LRRC37A2: variants seen among roughly 807,000 people sequenced by gnomAD.
The protein encoded by LRRC37A2 is leucine-rich repeat-containing protein 37A2.
A neutral mutation model predicts 68.8 loss-of-function variants in LRRC37A2; 9 were observed. The observed-to-expected ratio is 0.13, with a 90% CI of 0.08 to 0.23. LRRC37A2 has a LOEUF of 0.23. Among genes scored for constraint, LRRC37A2 ranks in the 10% least tolerant of loss-of-function variants. The pLI is 1.00. For synonymous variants in LRRC37A2, 63 were observed against 367.6 expected (o/e 0.17, Z 9.48); for missense variants, 168 against 950.4 (o/e 0.18, Z 10.82).
chr17:46,833,416 C>T, the LRRC37A2 span: 1 of 517,586 alleles, frequency 1.9e-6, no homozygotes, highest in South Asian at 1.4e-5. Flanking sequence ...GGGAGCCTTA[C>T]CAGCCCTCTA....
the LRRC37A2 span, among the ~76,000 whole-genome samples, chr17:46,722,407 C>T: frequency 6.6e-6 from 1 of 152,178 alleles, no homozygotes; most frequent in African/African-American, 2.4e-5. Context: ...TTTGGCACTT[C>T]AGTTGTACTA....
At chr17:47,001,430 T>C in the LRRC37A2 span, among the ~76,000 whole-genome samples, 1 of 152,172 alleles carries the variant, frequency 6.6e-6, no homozygotes, top group Non-Finnish European at 1.5e-5. Flanking sequence ...GCTCCACTCA[T>C]GACTTCCTTT....
At chr17:46,976,323 A>G in the LRRC37A2 span, among the ~76,000 whole-genome samples, 10 of 151,384 alleles carry the variant, frequency 6.6e-5, no homozygotes, top group African/African-American at 2.2e-4. Flanking sequence ...ACCTGAGGTC[A>G]GGAGTTCGAC....
the LRRC37A2 span, chr17:46,939,122 G>C: frequency 8.6e-7 from 1 of 1,158,586 alleles, no homozygotes; most frequent in African/African-American, 1.6e-5. Context: ...CTGTCCACAC[G>C]GTTCACACCT....
chr17:46,895,522 G>A, the LRRC37A2 span, among the ~76,000 whole-genome samples: 1 of 152,282 alleles, frequency 6.6e-6, no homozygotes, highest in South Asian at 2.1e-4. Context: ...TTGACATGGT[G>A]CCTGGCCTGT....
the LRRC37A2 span, among the ~76,000 whole-genome samples, chr17:46,386,179 A>C: frequency 9.3e-6 from 1 of 107,376 alleles, no homozygotes; most frequent in African/African-American, 3.1e-5. Flanking sequence ...GCTGACTGCA[A>C]CCTCGACCTG....
chr17:46,943,337 G>A, the LRRC37A2 span, among the ~76,000 whole-genome samples: 17 of 152,186 alleles, frequency 1.1e-4, no homozygotes, highest in Middle Eastern at 3.4e-3. Context: ...CCAGCTCTTC[G>A]CTGCCCCTGC....
intron 8 of LRRC37A2, among the ~76,000 whole-genome samples, chr17:46,545,798 G>T (rs2056220118): frequency 6.7e-6 from 1 of 148,586 alleles, no homozygotes; most frequent in South Asian, 2.1e-4. Flanking sequence ...TGCAGTCTTT[G>T]TTATTTTTTA....
chr17:46,392,419 C>T, the LRRC37A2 span, among the ~76,000 whole-genome samples: 15 of 55,844 alleles, frequency 2.7e-4, no homozygotes, highest in African/African-American at 7.2e-4. Context: ...TTCTCTCTCT[C>T]TCTTTCTTTC....
the LRRC37A2 span, among the ~76,000 whole-genome samples, chr17:46,764,986 C>T: frequency 1.3e-5 from 2 of 152,252 alleles, no homozygotes; most frequent in African/African-American, 4.8e-5. Flanking sequence ...CTGTGCTGGG[C>T]TCACGCCAGG....
At position 46,549,018 on chromosome 17, in the gene LRRC37A2, G is replaced by A. The variant is rs527794638; in HGVS notation, c.3879G>A (p.Lys1293=). The A allele has an allele frequency of 3.1e-6, 5 of 1,612,322 alleles. No homozygotes were observed. The East Asian group carries it at 6.7e-5, about 22-fold the overall frequency. The change falls in exon 10 of 15, where the codon AAG becomes AAA. Residue 1293 remains lysine, a synonymous_variant. Coordinates refer to ENST00000576629, the Ensembl canonical transcript of LRRC37A2. ...CAAAGGCTAGAGTTACAAATACGAA[G>A]ACGTCTAAACCAATCGTACATGCCA...
chr17:46,467,082 T>TA, the LRRC37A2 span, among the ~76,000 whole-genome samples: 5 of 63,524 alleles, frequency 7.9e-5, 1 homozygote, highest in Admixed American at 3.0e-4. Flanking sequence ...GTAAAAATCC[T>TA]AAAAAAAACC....
At chr17:46,801,083 T>G in the LRRC37A2 span, among the ~76,000 whole-genome samples, 1 of 152,162 alleles carries the variant, frequency 6.6e-6, no homozygotes, top group Non-Finnish European at 1.5e-5. Context: ...TATCCTTTCA[T>G]CCTCACAATA....
the LRRC37A2 span, among the ~76,000 whole-genome samples, chr17:46,815,183 C>CAAGAAG: frequency 1.3e-5 from 2 of 151,762 alleles, no homozygotes; most frequent in African/African-American, 4.8e-5. Context: ...CCAGCGCCCC[C>CAAGAAG]AAGAAGAAGA....
At chr17:46,802,922 A>G in the LRRC37A2 span, among the ~76,000 whole-genome samples, 5 of 152,318 alleles carry the variant, frequency 3.3e-5, no homozygotes, top group East Asian at 1.9e-4. Context: ...ATGGAACCCA[A>G]GGAGGAAGTC....
the LRRC37A2 span, chr17:46,939,100 C>G: frequency 8.3e-7 from 1 of 1,209,896 alleles, no homozygotes; most frequent in Non-Finnish European, 1.0e-6. Context: ...ACAGTGAGCC[C>G]TGTGTGCAGG....
the LRRC37A2 span, among the ~76,000 whole-genome samples, chr17:46,868,274 C>A: frequency 6.6e-6 from 1 of 152,300 alleles, no homozygotes; most frequent in East Asian, 1.9e-4. Context: ...ATCTCATTGG[C>A]CATAAGGCAG....
the LRRC37A2 span, among the ~76,000 whole-genome samples, chr17:46,867,014 A>G: frequency 6.6e-6 from 1 of 152,192 alleles, no homozygotes; most frequent in South Asian, 2.1e-4. Flanking sequence ...GGGACTGGTC[A>G]AGATCAAGTT....
the LRRC37A2 span, among the ~76,000 whole-genome samples, chr17:46,667,574 A>G: frequency 9.9e-5 from 14 of 142,102 alleles, 2 homozygotes; most frequent in East Asian, 1.6e-3. Context: ...TAGTTGTGAA[A>G]TCTAAATTTG....
Sources: allele counts gnomAD v4.1 joint callset (sites outside exome capture counted in the v4.1 genomes callset), GRCh38; gene constraint gnomAD v4.1.1; transcripts MANE v1.5; gene names NCBI Gene and HGNC (gene_info 2026-07-23, HGNC 2026-07-21).